Variants in SHISA6 observed in about 807,000 individuals in gnomAD.
SHISA6 encodes the protein shisa family member 6.
A neutral mutation model predicts 47.9 loss-of-function variants in SHISA6; 22 were observed. That is an observed-to-expected ratio of 0.46 (90% CI 0.33 to 0.66). The LOEUF is 0.66. Ranked by LOEUF, SHISA6 falls within the 30% of genes least tolerant of loss-of-function variation. The probability of loss-of-function intolerance (pLI) is 0.02; values close to 1 mark genes in which losing one functional copy is unlikely to be tolerated. For synonymous variants in SHISA6, 388 were observed against 337.8 expected (o/e 1.15, Z -1.63); for missense variants, 680 against 764.6 (o/e 0.89, Z 1.30).
At chr17:11,307,176 T>C (rs1465062215) in intron 2 of SHISA6, among the ~76,000 whole-genome samples, 6 of 151,124 alleles carry the variant, frequency 4.0e-5, no homozygotes, top group Non-Finnish European at 8.9e-5. Context: ...TTTTTTATTA[T>C]ACTTTAAGTT....
chr17:11,279,987 C>T (rs1909066329), intron 2 of SHISA6, among the ~76,000 whole-genome samples: 1 of 152,134 alleles, frequency 6.6e-6, no homozygotes, highest in Non-Finnish European at 1.5e-5. Flanking sequence ...TGGCCAGCAC[C>T]CTCAGGTCTG....
intron 3 of SHISA6, among the ~76,000 whole-genome samples, chr17:11,528,919 G>C (rs111651073): frequency 7.2e-5 from 11 of 152,068 alleles, no homozygotes; most frequent in Admixed American, 5.9e-4. Context: ...ATGGCCGGGC[G>C]TGGTGATTCA....
chr17:11,367,154 T>G (rs1294069990), intron 2 of SHISA6, among the ~76,000 whole-genome samples: 4 of 152,048 alleles, frequency 2.6e-5, no homozygotes, highest in African/African-American at 9.7e-5. Context: ...GTGACTTGGC[T>G]GGGGGAATGG....
chr17:11,366,499 G>A (rs1912454404), intron 2 of SHISA6, among the ~76,000 whole-genome samples: 1 of 152,240 alleles, frequency 6.6e-6, no homozygotes, highest in Admixed American at 6.5e-5. Flanking sequence ...GGCATAGAAT[G>A]AGCAGATGTC....
At chr17:11,358,160 G>A (rs151149347) in intron 2 of SHISA6, among the ~76,000 whole-genome samples, 3 of 152,100 alleles carry the variant, frequency 2.0e-5, no homozygotes, top group East Asian at 3.9e-4. Context: ...TAAAACTAAC[G>A]CTCTGTGCCC....
At chr17:11,430,857 C>T (rs1914752193) in intron 3 of SHISA6, among the ~76,000 whole-genome samples, 1 of 152,188 alleles carries the variant, frequency 6.6e-6, no homozygotes, top group Admixed American at 6.5e-5. Context: ...AGTGTTATCC[C>T]TTCCCAAGCC....
chr17:11,314,062 A>G (rs1179391736), intron 2 of SHISA6, among the ~76,000 whole-genome samples: 1 of 152,176 alleles, frequency 6.6e-6, no homozygotes, highest in Non-Finnish European at 1.5e-5. Flanking sequence ...TCCCATTCAA[A>G]CTGAACTCTG....
intron 3 of SHISA6, among the ~76,000 whole-genome samples, chr17:11,496,861 G>C (rs1419175199): frequency 6.6e-6 from 1 of 152,226 alleles, no homozygotes; most frequent in Admixed American, 6.5e-5. Flanking sequence ...CAATTATTGA[G>C]ATTCCTGCAA....
At chr17:11,331,167 C>G (rs561869697) in intron 2 of SHISA6, among the ~76,000 whole-genome samples, 1 of 152,192 alleles carries the variant, frequency 6.6e-6, no homozygotes, top group Admixed American at 6.5e-5. Flanking sequence ...CTTTCCTGTC[C>G]CAGTGGCATC....
intron 3 of SHISA6, among the ~76,000 whole-genome samples, chr17:11,417,903 A>G (rs532188862): frequency 1.3e-5 from 2 of 152,214 alleles, no homozygotes; most frequent in Non-Finnish European, 2.9e-5. Context: ...AGGGAAGTTG[A>G]TAAGGAGATG....
chr17:11,400,254 G>T (rs973674247), intron 3 of SHISA6, among the ~76,000 whole-genome samples: 1 of 152,172 alleles, frequency 6.6e-6, no homozygotes, highest in Non-Finnish European at 1.5e-5. Flanking sequence ...GTGGGAAAGG[G>T]AGAAACTGAC....
intron 2 of SHISA6, among the ~76,000 whole-genome samples, chr17:11,343,465 G>A (rs1911601681): frequency 6.6e-6 from 1 of 152,164 alleles, no homozygotes; most frequent in Admixed American, 6.5e-5. Context: ...AGGAAGGAGA[G>A]GAAGACAGTC....
intron 3 of SHISA6, among the ~76,000 whole-genome samples, chr17:11,402,520 C>T (rs1913812324): frequency 1.3e-5 from 2 of 152,174 alleles, no homozygotes; most frequent in African/African-American, 2.4e-5. Context: ...TAAGGGAATA[C>T]ACCCTTAGGC....
At chr17:11,274,090 G>T (rs914377516) in intron 2 of SHISA6, among the ~76,000 whole-genome samples, 1 of 152,174 alleles carries the variant, frequency 6.6e-6, no homozygotes, top group Non-Finnish European at 1.5e-5. Flanking sequence ...TGCCCAACTT[G>T]TCCCACCCTT....
intron 3 of SHISA6, among the ~76,000 whole-genome samples, chr17:11,544,112 A>C (rs2071859882): frequency 6.6e-6 from 1 of 152,060 alleles, no homozygotes; most frequent in Non-Finnish European, 1.5e-5. Context: ...AAAACTATAA[A>C]GCATGAAGAA....
chr17:11,516,920 C>T (rs2071590373), intron 3 of SHISA6, among the ~76,000 whole-genome samples: 1 of 152,172 alleles, frequency 6.6e-6, no homozygotes, highest in African/African-American at 2.4e-5. Context: ...AAATTCAGCA[C>T]CTTCTGGTAC....
At chr17:11,377,657 A>C (rs1043553721) in intron 2 of SHISA6, among the ~76,000 whole-genome samples, 2 of 152,214 alleles carry the variant, frequency 1.3e-5, no homozygotes, top group African/African-American at 4.8e-5. Context: ...TCGGAGGAAG[A>C]ATGCTGAAGC....
At chr17:11,538,752 C>T (rs985421029) in intron 3 of SHISA6, among the ~76,000 whole-genome samples, 8 of 152,162 alleles carry the variant, frequency 5.3e-5, no homozygotes, top group Admixed American at 2.0e-4. Flanking sequence ...GTTTAAAACT[C>T]GTTGGCCTTA....
chr17:11,260,684 C>G (rs930626909), intron 1 of SHISA6, among the ~76,000 whole-genome samples: 1 of 151,986 alleles, frequency 6.6e-6, no homozygotes, highest in African/African-American at 2.4e-5. Context: ...TTCACTAACT[C>G]TCTTCTCTGA....
Sources: gnomAD v4.1 joint callset for allele counts (sites outside exome capture counted in the v4.1 genomes callset) on GRCh38, gnomAD v4.1.1 for gene constraint, MANE v1.5 for transcripts, NCBI Gene and HGNC (gene_info 2026-07-23, HGNC 2026-07-21) for gene names.